Variants in GPC6 observed in about 807,000 individuals in gnomAD.
The protein encoded by GPC6 is glypican-6.
GPC6 carries 14 observed loss-of-function variants against 55.2 expected under a neutral mutation model. The ratio of observed to expected loss-of-function variants is 0.25; its 90% CI spans 0.17 to 0.40. The LOEUF (loss-of-function observed/expected upper bound fraction) is 0.40. GPC6 is among the 10% of genes least tolerant of loss of function. GPC6 has a pLI of 1.00. For missense variants in GPC6, 641 were observed against 708.5 expected, an observed-to-expected ratio of 0.90 and a Z score of 1.08; for synonymous variants, 278 against 259.6, an observed-to-expected ratio of 1.07 and a Z score of -0.68.
At chr13:94,215,424 A>T (rs1291073167) in intron 4 of GPC6, among the ~76,000 whole-genome samples, 2 of 152,176 alleles carry the variant, frequency 1.3e-5, no homozygotes, top group African/African-American at 2.4e-5. Flanking sequence ...TTCCTTATGT[A>T]TAATTTTTTT....
chr13:94,343,069 A>G (rs1415726339), intron 6 of GPC6, among the ~76,000 whole-genome samples: 3 of 152,232 alleles, frequency 2.0e-5, no homozygotes, highest in Non-Finnish European at 1.5e-5. Context: ...AAAGTAACAC[A>G]GAAGTGATCC....
At chr13:93,403,051 A>G (rs1876149444) in intron 1 of GPC6, among the ~76,000 whole-genome samples, 1 of 152,226 alleles carries the variant, frequency 6.6e-6, no homozygotes, top group Non-Finnish European at 1.5e-5. Flanking sequence ...ACCTAGGCAC[A>G]TTCTCAATGT....
At chr13:93,354,253 G>A (rs569124816) in intron 1 of GPC6, among the ~76,000 whole-genome samples, 2 of 151,696 alleles carry the variant, frequency 1.3e-5, no homozygotes, top group Non-Finnish European at 2.9e-5. Flanking sequence ...TGGCTGAGTT[G>A]TTCATGGTAA....
At chr13:93,391,305 G>A (rs1373961629) in intron 1 of GPC6, among the ~76,000 whole-genome samples, 1 of 151,970 alleles carries the variant, frequency 6.6e-6, no homozygotes, top group Non-Finnish European at 1.5e-5. Context: ...CCTTTTTCAG[G>A]GACGTAGTAG....
intron 1 of GPC6, among the ~76,000 whole-genome samples, chr13:93,319,316 G>T (rs1879349268): frequency 6.6e-6 from 1 of 152,070 alleles, no homozygotes; most frequent in Admixed American, 6.6e-5. Context: ...TTTGGAGTGT[G>T]CTCTGACAAG....
intron 3 of GPC6, among the ~76,000 whole-genome samples, chr13:93,944,613 C>T (rs1224293923): frequency 6.6e-6 from 1 of 152,092 alleles, no homozygotes; most frequent in African/African-American, 2.4e-5. Context: ...AAAAGAAATC[C>T]CAATCACATG....
chr13:93,412,011 A>AAT lies in GPC6; in HGVS notation c.161-133251_161-133250insTA, dbSNP rs1555297893. On this transcript the variant is annotated intron_variant, in intron 1 of 8. Transcript: ENST00000377047. ...GAGAGGGACTATGTCTCAAAAAAAAAAAATAAATAAAATAAAAATAAATAG... is the reference window on the plus strand; with the variant it reads ...GAGAGGGACTATGTCTCAAAAAAAAAATAAATAAATAAAATAAAAATAAATAG... Among the ~76,000 whole-genome samples the AAT allele has an allele frequency of 6.5e-4, 99 of 151,986 alleles. 1 individual carries two copies. The South Asian group carries it at 7.3e-3, about 11-fold the overall frequency.
chr13:93,529,205 A>C (rs1881767229), intron 1 of GPC6, among the ~76,000 whole-genome samples: 1 of 152,180 alleles, frequency 6.6e-6, no homozygotes, highest in Non-Finnish European at 1.5e-5. Context: ...ATGCTAACTG[A>C]TGTTAGGTCC....
chr13:93,381,242 T>C (rs1382507889), intron 1 of GPC6, among the ~76,000 whole-genome samples: 2 of 152,164 alleles, frequency 1.3e-5, no homozygotes, highest in African/African-American at 4.8e-5. Context: ...TCAGTGTTTA[T>C]GATGTCTTAT....
intron 4 of GPC6, among the ~76,000 whole-genome samples, chr13:94,086,016 T>C (rs1885269489): frequency 6.6e-6 from 1 of 152,204 alleles, no homozygotes; most frequent in South Asian, 2.1e-4. Context: ...ACACTGAATA[T>C]TCATGTTCTT....
At chr13:93,726,681 G>GC (rs1883657366) in intron 2 of GPC6, among the ~76,000 whole-genome samples, 1 of 151,940 alleles carries the variant, frequency 6.6e-6, no homozygotes, top group African/African-American at 2.4e-5. Context: ...TGGAATGCCC[G>GC]CCCCCTGCCT....
chr13:93,228,039 T>C (rs1875867133), intron 1 of GPC6, among the ~76,000 whole-genome samples: 1 of 152,102 alleles, frequency 6.6e-6, no homozygotes, highest in Non-Finnish European at 1.5e-5. Context: ...CGCCACAGTC[T>C]GAGTGGCGCC....
chr13:94,368,043 G>A (rs1184229884), intron 6 of GPC6, among the ~76,000 whole-genome samples: 1 of 151,558 alleles, frequency 6.6e-6, no homozygotes, highest in Non-Finnish European at 1.5e-5. Flanking sequence ...CAGCTACTCG[G>A]GAAGCTGAAG....
chr13:93,983,622 CA>C (rs1446957020), intron 3 of GPC6, among the ~76,000 whole-genome samples: 2 of 151,824 alleles, frequency 1.3e-5, no homozygotes, highest in Non-Finnish European at 2.9e-5. Flanking sequence ...TAATTAGTAG[CA>C]AAGGCATTCA....
At chr13:93,637,305 T>C (rs1879739940) in intron 2 of GPC6, among the ~76,000 whole-genome samples, 1 of 152,144 alleles carries the variant, frequency 6.6e-6, no homozygotes, top group Admixed American at 6.6e-5. Context: ...TTATAATTAT[T>C]TGTGCTCCTT....
intron 3 of GPC6, among the ~76,000 whole-genome samples, chr13:93,874,673 T>C (rs1889235039): frequency 6.6e-6 from 1 of 151,008 alleles, no homozygotes; most frequent in South Asian, 2.1e-4. Flanking sequence ...CTAGATAGAC[T>C]CTGATTCTGT....
intron 2 of GPC6, among the ~76,000 whole-genome samples, chr13:93,647,454 T>C (rs1473582437): frequency 1.3e-5 from 2 of 152,098 alleles, no homozygotes; most frequent in East Asian, 3.9e-4. Flanking sequence ...AAAAAATGTA[T>C]TTACAGGAGT....
intron 1 of GPC6, among the ~76,000 whole-genome samples, chr13:93,300,876 A>G (rs1407159295): frequency 6.8e-6 from 1 of 146,514 alleles, no homozygotes; most frequent in East Asian, 2.1e-4. Flanking sequence ...AAAATTATCC[A>G]GGTGTGGTGG....
Position 94,206,739 on chromosome 13 carries a change from G to C in GPC6, c.878-79610G>C, listed in dbSNP as rs190420685. On this transcript the variant is annotated intron_variant, in intron 4 of 8. Coordinates refer to ENST00000377047, the MANE Select transcript of GPC6 (RefSeq NM_005708.5). ...TGTAGTGGAATGCACCTGTAGTCCA[G>C]CTACTCAGCAGGCTGTGGTGGGAGG... Among the ~76,000 whole-genome samples the C allele has an allele frequency of 3.3e-4, 50 of 152,192 alleles. 1 individual carries two copies. Among genetic ancestry groups the C allele is most frequent in the South Asian group, 3.1e-3 (15 of 4,820 alleles).
Sources: gnomAD v4.1 joint callset for allele counts (sites outside exome capture counted in the v4.1 genomes callset) on GRCh38, gnomAD v4.1.1 for gene constraint, MANE v1.5 for transcripts, NCBI Gene and HGNC (gene_info 2026-07-23, HGNC 2026-07-21) for gene names.